The following ZNF704 variants were observed in gnomAD, a reference collection of about 807,000 sequenced individuals.
ZNF704 encodes zinc finger protein 704.
A neutral mutation model predicts 44.7 loss-of-function variants in ZNF704; 10 were observed. That is an observed-to-expected ratio of 0.22 (90% CI 0.14 to 0.38). ZNF704 has a LOEUF of 0.38. Ranked by LOEUF, ZNF704 falls within the 10% of genes least tolerant of loss-of-function variation. The probability of loss-of-function intolerance (pLI) is 1.00; values close to 1 mark genes in which losing one functional copy is unlikely to be tolerated. For missense variants in ZNF704, 390 were observed against 545.5 expected, an observed-to-expected ratio of 0.71 and a Z score of 2.84; for synonymous variants, 211 against 207.6, an observed-to-expected ratio of 1.02 and a Z score of -0.14.
chr8:80,822,586 G>A (rs1283853583), intron 1 of ZNF704, among the ~76,000 whole-genome samples: 1 of 152,108 alleles, frequency 6.6e-6, no homozygotes, highest in Middle Eastern at 3.2e-3. Context: ...TGGGTCATAT[G>A]GTATTTCTAG....
intron 2 of ZNF704, among the ~76,000 whole-genome samples, chr8:80,766,739 G>T (rs1164828866): frequency 6.6e-6 from 1 of 152,024 alleles, no homozygotes; most frequent in Non-Finnish European, 1.5e-5. Context: ...TTGTGACTGA[G>T]TCTCGCTCTG....
chr8:80,852,826 AAAT>A (rs1182770722), intron 1 of ZNF704, among the ~76,000 whole-genome samples: 4 of 152,330 alleles, frequency 2.6e-5, no homozygotes, highest in South Asian at 4.1e-4. Context: ...TCCTAGAAAG[AAAT>A]AATAATATTT....
chr8:80,869,258 A>G (rs753923410), intron 1 of ZNF704, among the ~76,000 whole-genome samples: 24 of 152,178 alleles, frequency 1.6e-4, no homozygotes, highest in Non-Finnish European at 3.1e-4. Context: ...AAAATCACAT[A>G]CCCAGACAGA....
At chr8:80,652,149 C>T (rs1817931471) in intron 7 of ZNF704, among the ~76,000 whole-genome samples, 1 of 152,194 alleles carries the variant, frequency 6.6e-6, no homozygotes, top group Admixed American at 6.5e-5. Flanking sequence ...ACCAGAATCT[C>T]TGGGTCACAT....
intron 1 of ZNF704, among the ~76,000 whole-genome samples, chr8:80,866,059 T>C (rs367643579): frequency 1.3e-5 from 2 of 152,352 alleles, no homozygotes. Context: ...CAACTGGAGT[T>C]ATTTGCCAAA....
At position 80,836,555 on chromosome 8, in the gene ZNF704, A is replaced by C. The variant is rs559521774; in HGVS notation, c.-21-14940T>G. Among the ~76,000 whole-genome samples, 300 of 152,270 alleles carry C rather than the reference A, an allele frequency of 2.0e-3. 2 individuals are homozygous for C. The highest frequency in any genetic ancestry group is 6.7e-3 in the African/African-American group (280 of 41,554). ...CACTTTGGGAGGCTGAGGCAGGTGG[A>C]TCACTTGAGCTCAAGAGTCAAGACC... On this transcript the variant is annotated intron_variant, in intron 1 of 8. Transcript: ENST00000327835.
intron 2 of ZNF704, among the ~76,000 whole-genome samples, chr8:80,716,835 G>A (rs1357657303): frequency 6.6e-6 from 1 of 152,168 alleles, no homozygotes; most frequent in Admixed American, 6.5e-5. Context: ...TACTGAAGGA[G>A]CTTTATATTA....
chr8:80,645,430 A>G (rs1817814820), intron 7 of ZNF704, among the ~76,000 whole-genome samples: 3 of 152,194 alleles, frequency 2.0e-5, no homozygotes, highest in Non-Finnish European at 4.4e-5. Flanking sequence ...AGGAATGCAC[A>G]TGACACAGTT....
At chr8:80,880,887 T>C in the ZNF704 span, among the ~76,000 whole-genome samples, 2 of 152,254 alleles carry the variant, frequency 1.3e-5, no homozygotes, top group African/African-American at 4.8e-5. Context: ...AATTCAGTGT[T>C]ACTAAAACAC....
intron 4 of ZNF704, among the ~76,000 whole-genome samples, 167 bp downstream of exon 4, chr8:80,687,059 A>G (rs1818549810): frequency 6.6e-6 from 1 of 152,194 alleles, no homozygotes. Flanking sequence ...AATTATCACC[A>G]TAACAATTTC....
chr8:80,641,982 A>G (rs1308178432), intron 8 of ZNF704, among the ~76,000 whole-genome samples: 1 of 152,210 alleles, frequency 6.6e-6, no homozygotes, highest in Non-Finnish European at 1.5e-5. Flanking sequence ...TCTTCATAAA[A>G]CTGAATTAAA....
At chr8:80,753,202 T>A (rs1806977439) in intron 2 of ZNF704, among the ~76,000 whole-genome samples, 3 of 152,194 alleles carry the variant, frequency 2.0e-5, no homozygotes, top group Admixed American at 2.0e-4. Context: ...CTGCACGTCT[T>A]GGCTGGAGAT....
intron 2 of ZNF704, among the ~76,000 whole-genome samples, chr8:80,768,007 C>T (rs1385895844): frequency 1.3e-5 from 2 of 152,164 alleles, no homozygotes; most frequent in Non-Finnish European, 2.9e-5. Context: ...GCATAGATGT[C>T]TTTGGAATAA....
chr8:80,822,328 GTTCT>G (rs1324164312), intron 1 of ZNF704, among the ~76,000 whole-genome samples: 3 of 140,770 alleles, frequency 2.1e-5, no homozygotes, highest in Non-Finnish European at 3.0e-5. Context: ...GTGTCCAAGT[GTTCT>G]CATTGTTTAA....
At chr8:80,712,487 G>A (rs968007792) in intron 2 of ZNF704, among the ~76,000 whole-genome samples, 2 of 152,118 alleles carry the variant, frequency 1.3e-5, no homozygotes, top group African/African-American at 4.8e-5. Flanking sequence ...GAGGGAAAGT[G>A]GAAATGAATG....
chr8:80,830,645 AGGAAGGAAGGATGGAAGGATGGAC>A lies in ZNF704; in HGVS notation c.-21-9054_-21-9031del, dbSNP rs570080149. Among the ~76,000 whole-genome samples the A allele has an allele frequency of 6.4e-3, 963 of 151,648 alleles. 10 individuals are homozygous for A. Among genetic ancestry groups the A allele is most frequent in the Non-Finnish European group, 6.0e-3 (404 of 67,860 alleles). ...TTTAAATTATACCACAATAGAGCTGAGGAAGGAAGGATGGAAGGATGGACGGAAGGAAGGAAGGAAGGAAACCAG... is the reference window on the plus strand; with the variant it reads ...TTTAAATTATACCACAATAGAGCTGAGGAAGGAAGGAAGGAAGGAAACCAG... On this transcript the variant is annotated intron_variant, in intron 1 of 8. Coordinates refer to ENST00000327835, the MANE Select transcript of ZNF704 (RefSeq NM_001033723.3).
At chr8:80,677,084 A>C (rs1585944208) in intron 4 of ZNF704, among the ~76,000 whole-genome samples, 1 of 152,166 alleles carries the variant, frequency 6.6e-6, no homozygotes, top group East Asian at 1.9e-4. Flanking sequence ...AAGTTACAAG[A>C]CTTACCCAGT....
intron 1 of ZNF704, among the ~76,000 whole-genome samples, chr8:80,829,031 A>C (rs945338000): frequency 6.6e-6 from 1 of 152,152 alleles, no homozygotes; most frequent in Non-Finnish European, 1.5e-5. Context: ...ATTGTCACCC[A>C]CTTTGGTTTA....
chr8:80,709,201 T>C (rs1028689289), intron 2 of ZNF704, among the ~76,000 whole-genome samples: 1 of 151,760 alleles, frequency 6.6e-6, no homozygotes, highest in Non-Finnish European at 1.5e-5. Flanking sequence ...TCCCAGCACT[T>C]TGGGAGGCCG....
Sources: gnomAD v4.1 joint callset for allele counts (sites outside exome capture counted in the v4.1 genomes callset) on GRCh38, gnomAD v4.1.1 for gene constraint, MANE v1.5 for transcripts, NCBI Gene and HGNC (gene_info 2026-07-23, HGNC 2026-07-21) for gene names.